DHX57: variants seen among roughly 807,000 people sequenced by gnomAD.
DHX57 encodes the protein DExH-box helicase 57.
A neutral mutation model predicts 156.2 loss-of-function variants in DHX57; 105 were observed. The ratio of observed to expected loss-of-function variants is 0.67; its 90% confidence interval spans 0.57 to 0.79. The LOEUF is 0.79. DHX57 is among the 30% of genes least tolerant of loss of function. DHX57 has a pLI of 0.00. For missense variants in DHX57, 1,847 were observed against 1,661.9 expected (o/e 1.11, Z -1.94); for synonymous variants, 704 against 595.6 (o/e 1.18, Z -2.65).
chr2:38,849,582 T>C (rs781071978), intron 9 of DHX57, among the ~76,000 whole-genome samples: 6 of 152,106 alleles, frequency 3.9e-5, no homozygotes, highest in Admixed American at 6.5e-5. Context: ...TGTGCCACTC[T>C]TCTGCTTAAA....
chr2:38,806,685 G>A lies in DHX57; in HGVS notation c.3690C>T (p.Ser1230=). ...ALYPNVVQVK[S]PEGKFQKTST... Reference sequence around the variant, plus strand: ...TGGTCTTCTGAAATTTTCCTTCTGGGCTTTTCACCTAAACAACAAGTATTT... The same window carrying A: ...TGGTCTTCTGAAATTTTCCTTCTGGACTTTTCACCTAAACAACAAGTATTT... The change falls in exon 22 of 24, where the codon AGC becomes AGT. Residue 1230 remains serine (S), a synonymous_variant. Transcript: ENST00000457308. The A allele has an allele frequency of 6.2e-7, 1 of 1,613,534 alleles. No individual in the cohort carries two copies. The highest frequency in any genetic ancestry group is 8.5e-7 in the Non-Finnish European group (1 of 1,179,836).
intron 12 of DHX57, among the ~76,000 whole-genome samples, chr2:38,840,360 C>A (rs1053280811): frequency 6.6e-6 from 1 of 151,126 alleles, no homozygotes; most frequent in East Asian, 1.9e-4. Flanking sequence ...CGAAAGAGAA[C>A]ATTGAGATCA....
In DHX57 at chr2:38,797,982, C is replaced by G. The variant is rs1485875507; in HGVS notation, c.*317G>C. The G allele has an allele frequency of 9.2e-6, 2 of 217,796 alleles. No individual in the cohort carries two copies. The highest frequency in any genetic ancestry group is 2.0e-5 in the Non-Finnish European group (2 of 100,886). 13.5% of individuals were successfully genotyped at this position (217,796 alleles called of 1,614,324 possible). ...GAGAAAAAGAATACACAGATTAAAA[C>G]AGAATTGTATTATACATTCACTTTT... On this transcript the variant is annotated 3_prime_UTR_variant, in exon 24 of 24. Coordinates refer to ENST00000457308, the MANE Select transcript of DHX57 (RefSeq NM_198963.3).
intron 3 of DHX57, 137 bp downstream of exon 3, chr2:38,863,224 A>T (rs2124935791): frequency 1.1e-6 from 1 of 872,564 alleles, no homozygotes; most frequent in Non-Finnish European, 1.7e-6. Flanking sequence ...TTCTTGTATT[A>T]CTCTTGGCTC....
intron 11 of DHX57, among the ~76,000 whole-genome samples, chr2:38,846,257 C>T (rs1364002804): frequency 6.6e-6 from 1 of 152,134 alleles, no homozygotes; most frequent in Non-Finnish European, 1.5e-5. Context: ...TTAATGCTCT[C>T]AGCAGAATCA....
rs761112361 is a variant in DHX57, at chr2:38,868,364, T to A, written c.42A>T (p.Gly14=). Residue 14 remains glycine, a synonymous_variant, in exon 2 of 24, where the codon GGA becomes GGT. Transcript: ENST00000457308. ...SVRRKGKPGK[G]GGKGSSRGGR... is the part of the protein sequence containing the mutation. The stretch of plus-strand genomic sequence containing the variant: ...CTCCTCTAGAAGACCCTTTTCCACC[T>A]CCTTTGCCTGGCTTGCCTTTTCTTC... The A allele has an allele frequency of 6.2e-7, 1 of 1,611,784 alleles. No homozygotes were observed.
At chr2:38,811,772 A>G in intron 21 of DHX57, 1 of 469,078 alleles carries the variant, frequency 2.1e-6, no homozygotes, top group Non-Finnish European at 3.9e-6. Context: ...CGTCTTTCTT[A>G]TTGGTGAGTT....
intron 21 of DHX57, among the ~76,000 whole-genome samples, chr2:38,812,333 T>G (rs936528971): frequency 6.6e-6 from 1 of 152,176 alleles, no homozygotes; most frequent in African/African-American, 2.4e-5. Context: ...GAGCCATAAA[T>G]CAGTCAGATG....
intron 9 of DHX57, among the ~76,000 whole-genome samples, chr2:38,848,745 G>A (rs1476787884): frequency 4.6e-5 from 7 of 152,134 alleles, no homozygotes; most frequent in African/African-American, 1.7e-4. Flanking sequence ...ACAGCCTAAA[G>A]GTAACTGTAT....
chr2:38,848,225 T>C, intron 10 of DHX57, 44 bp downstream of exon 10: 3 of 1,515,954 alleles, frequency 2.0e-6, no homozygotes, highest in Middle Eastern at 1.8e-4. Flanking sequence ...ATAATTATAT[T>C]TGCTTATTAG....
chr2:38,822,464 C>T (rs189711275), intron 17 of DHX57, among the ~76,000 whole-genome samples: 326 of 150,208 alleles, frequency 2.2e-3, no homozygotes, highest in African/African-American at 7.1e-3. Context: ...GGCGCGATCT[C>T]GGCTCAGCAA....
intron 21 of DHX57, chr2:38,811,022 T>C (rs970517266): frequency 2.9e-6 from 2 of 699,668 alleles, no homozygotes; most frequent in East Asian, 3.0e-5. Context: ...GTTGGGGGTG[T>C]TGGGGGCTTT....
In DHX57 at chr2:38,826,503, C is replaced by T; in HGVS notation, c.2813+13G>A. On this transcript the variant is annotated intron_variant, in intron 15 of 23. Coordinates refer to ENST00000457308, the MANE Select transcript of DHX57 (RefSeq NM_198963.3). Reference sequence around the variant, plus strand: ...TTTTAGCCCCTCTCTTACATCACCACAAGACGGAATACCTCTTTTCTTTCA... The same window carrying T: ...TTTTAGCCCCTCTCTTACATCACCATAAGACGGAATACCTCTTTTCTTTCA... The T allele has an allele frequency of 6.2e-7, 1 of 1,611,666 alleles. No homozygotes were observed. The highest frequency in any genetic ancestry group is 8.5e-7 in the Non-Finnish European group (1 of 1,178,270).
intron 15 of DHX57, 138 bp from the exon 16 acceptor site, chr2:38,826,185 C>A (rs1671078876): frequency 9.6e-6 from 9 of 937,372 alleles, no homozygotes; most frequent in African/African-American, 5.0e-5. Context: ...TAGTTGAGCC[C>A]CTGGTAGGAG....
At chr2:38,869,178 T>C (rs1665237748) in intron 1 of DHX57, among the ~76,000 whole-genome samples, 1 of 152,240 alleles carries the variant, frequency 6.6e-6, no homozygotes, top group Admixed American at 6.5e-5. Flanking sequence ...TAAATTTATA[T>C]ATGCTCTATC....
chr2:38,819,652 C>A (rs1401083852), intron 17 of DHX57, among the ~76,000 whole-genome samples: 2 of 152,158 alleles, frequency 1.3e-5, no homozygotes, highest in Non-Finnish European at 2.9e-5. Context: ...GCCTGCCCAC[C>A]CAAAATAAGC....
At chr2:38,871,510 C>T (rs1665351252) in intron 1 of DHX57, among the ~76,000 whole-genome samples, 1 of 152,110 alleles carries the variant, frequency 6.6e-6, no homozygotes, top group Admixed American at 6.6e-5. Flanking sequence ...AGTCTGTTTT[C>T]TGCTATAACA....
chr2:38,840,969 C>T (rs1671961905), intron 12 of DHX57, among the ~76,000 whole-genome samples: 1 of 152,178 alleles, frequency 6.6e-6, no homozygotes, highest in Non-Finnish European at 1.5e-5. Context: ...CAGGTGCCAA[C>T]TACCATGCCC....
At chr2:38,811,544 A>C in intron 21 of DHX57, 1 of 1,158,112 alleles carries the variant, frequency 8.6e-7, no homozygotes, top group Non-Finnish European at 1.3e-6. Flanking sequence ...TCTGGCCAAC[A>C]TTGGCCAGGT....
Sources: allele counts gnomAD v4.1 joint callset (sites outside exome capture counted in the v4.1 genomes callset), GRCh38; gene constraint gnomAD v4.1.1; transcripts MANE v1.5; gene names NCBI Gene and HGNC (gene_info 2026-07-23, HGNC 2026-07-21).